The following ENAH variants were observed in gnomAD, a reference collection of about 807,000 sequenced individuals.
ENAH encodes protein enabled homolog.
A neutral mutation model predicts 78.7 loss-of-function variants in ENAH; 23 were observed. The ratio of observed to expected loss-of-function variants is 0.29; its 90% confidence interval spans 0.21 to 0.41. ENAH has a LOEUF of 0.41. Ranked by LOEUF, ENAH falls within the 10% of genes least tolerant of loss-of-function variation. The pLI, the probability that ENAH is intolerant of heterozygous loss-of-function variation, is 1.00. For synonymous variants in ENAH, 226 were observed against 241.0 expected (o/e 0.94, Z 0.58); for missense variants, 544 against 691.0 (o/e 0.79, Z 2.39).
intron 2 of ENAH, among the ~76,000 whole-genome samples, chr1:225,557,650 G>A (rs12042273): frequency 0.091 from 13,833 of 151,916 alleles, 691 homozygotes; most frequent in Admixed American, 0.15. Flanking sequence ...GTGAAACCCC[G>A]TCTCTACTAA....
intron 4 of ENAH, among the ~76,000 whole-genome samples, chr1:225,523,839 A>G (rs139210095): frequency 1.5e-4 from 23 of 152,286 alleles, no homozygotes; most frequent in African/African-American, 4.8e-4. Context: ...ATCGCTGCCA[A>G]TTCACATACT....
intron 13 of ENAH, 135 bp from the exon 14 acceptor site, chr1:225,497,947 G>T: frequency 1.5e-6 from 1 of 657,730 alleles, no homozygotes; most frequent in Non-Finnish European, 2.6e-6. Flanking sequence ...ATCTTTCATT[G>T]CACACATCTT....
intron 1 of ENAH, among the ~76,000 whole-genome samples, chr1:225,620,766 A>G (rs1656687163): frequency 6.6e-6 from 1 of 151,994 alleles, no homozygotes; most frequent in Non-Finnish European, 1.5e-5. Flanking sequence ...GCACTTTGGG[A>G]GGCCAAGGTG....
intron 1 of ENAH, among the ~76,000 whole-genome samples, chr1:225,639,269 G>GTTTAC (rs1324923681): frequency 2.0e-5 from 3 of 152,162 alleles, no homozygotes; most frequent in Non-Finnish European, 4.4e-5. Flanking sequence ...GGCTACACAG[G>GTTTAC]TATGTATACA....
At chr1:225,623,106 A>AGAT (rs1657304953) in intron 1 of ENAH, among the ~76,000 whole-genome samples, 1 of 152,232 alleles carries the variant, frequency 6.6e-6, no homozygotes, top group Non-Finnish European at 1.5e-5. Flanking sequence ...AAAGAAAGGC[A>AGAT]GATAGAATTT....
chr1:225,642,060 GC>G (rs1349405758), intron 1 of ENAH, among the ~76,000 whole-genome samples: 1 of 151,622 alleles, frequency 6.6e-6, no homozygotes. Flanking sequence ...AATTAGCCAG[GC>G]ATGGTGACGC....
At chr1:225,532,892 A>AGG (rs1463176488) in intron 3 of ENAH, among the ~76,000 whole-genome samples, 1 of 152,094 alleles carries the variant, frequency 6.6e-6, no homozygotes, top group Non-Finnish European at 1.5e-5. Context: ...TAAAATGGGG[A>AGG]GAATTTTGAT....
chr1:225,509,089 T>G (rs1346209519), intron 10 of ENAH, among the ~76,000 whole-genome samples: 2 of 152,200 alleles, frequency 1.3e-5, no homozygotes, highest in African/African-American at 4.8e-5. Flanking sequence ...TTCCTTCTTT[T>G]GTATTCTAAC....
intron 12 of ENAH, among the ~76,000 whole-genome samples, 185 bp downstream of exon 12, chr1:225,500,807 A>T (rs754597189): frequency 5.3e-5 from 8 of 152,192 alleles, no homozygotes; most frequent in Non-Finnish European, 8.8e-5. Context: ...CTTCATGCAA[A>T]CTCAATGAAC....
intron 11 of ENAH, among the ~76,000 whole-genome samples, chr1:225,506,546 C>T (rs1340708093): frequency 6.6e-6 from 1 of 152,076 alleles, no homozygotes; most frequent in South Asian, 2.1e-4. Flanking sequence ...GAAGAAAATC[C>T]GTAACTAGTA....
At chr1:225,625,696 T>C (rs1657827697) in intron 1 of ENAH, among the ~76,000 whole-genome samples, 2 of 152,146 alleles carry the variant, frequency 1.3e-5, no homozygotes, top group African/African-American at 4.8e-5. Flanking sequence ...TTTGTATTTT[T>C]AGAGAGACAG....
rs966340264 is a variant in ENAH at position 225,652,870 on chromosome 1, G to C, written c.-180C>G. ...TCGCACAAAGCCGAGGCGCCGGCCG[G>C]GAGTGTGGGAGAAGAGGGCGAGAGA... On this transcript the variant is annotated 5_prime_UTR_variant, in exon 1 of 14. Coordinates refer to ENST00000366843, the MANE Select transcript of ENAH (RefSeq NM_018212.6). 2 of 416,402 alleles carry C rather than the reference G, an allele frequency of 4.8e-6. No individual in the cohort carries two copies. Among genetic ancestry groups the C allele is most frequent in the African/African-American group, 2.0e-5 (1 of 48,860 alleles). The allele number at this position is 416,402 out of a possible 1,614,324, so 25.8% of individuals were successfully genotyped here. A position where few individuals can be genotyped will look rare whatever the true frequency, so the allele number is the denominator to read the frequency against.
At chr1:225,507,890 A>G in intron 11 of ENAH, 61 bp downstream of exon 11, 1 of 1,209,280 alleles carries the variant, frequency 8.3e-7, no homozygotes. Flanking sequence ...TTCTACACTA[A>G]GAATGCATTA....
At chr1:225,608,419 T>A (rs1385175290) in intron 1 of ENAH, among the ~76,000 whole-genome samples, 3 of 151,088 alleles carry the variant, frequency 2.0e-5, no homozygotes, top group Non-Finnish European at 2.9e-5. Flanking sequence ...TTTTTTTTTT[T>A]AAACAAAGAC....
At chr1:225,646,737 T>C (rs79653682) in intron 1 of ENAH, among the ~76,000 whole-genome samples, 2,198 of 151,906 alleles carry the variant, frequency 0.014, 66 homozygotes, top group African/African-American at 0.05. Flanking sequence ...TGCAGTAACC[T>C]GAGATCGAGC....
chr1:225,510,699 TAAAAAAA>T (rs770906084), intron 10 of ENAH, among the ~76,000 whole-genome samples: 18 of 106,026 alleles, frequency 1.7e-4, no homozygotes, highest in East Asian at 1.3e-3. Flanking sequence ...CAGAGGTACT[TAAAAAAA>T]AAAAAAAAAA....
chr1:225,548,652 G>A (rs552272499), intron 3 of ENAH, among the ~76,000 whole-genome samples: 40 of 152,230 alleles, frequency 2.6e-4, no homozygotes, highest in Non-Finnish European at 1.0e-4. Context: ...GGAAATCCCA[G>A]CTCTCCATGT....
At chr1:225,518,055 AG>A in intron 5 of ENAH, 1 of 1,396,204 alleles carries the variant, frequency 7.2e-7, no homozygotes, top group Non-Finnish European at 9.5e-7. Flanking sequence ...AAAGGGAGCT[AG>A]TGAAGCCACA....
intron 1 of ENAH, among the ~76,000 whole-genome samples, chr1:225,638,270 C>T (rs1388660448): frequency 6.6e-6 from 1 of 152,072 alleles, no homozygotes. Flanking sequence ...GATCCTCCTA[C>T]CTCAATCTCC....
Sources: allele counts gnomAD v4.1 joint callset (sites outside exome capture counted in the v4.1 genomes callset), GRCh38; gene constraint gnomAD v4.1.1; transcripts MANE v1.5; gene names NCBI Gene and HGNC (gene_info 2026-07-23, HGNC 2026-07-21).